The following CHST11 variants were observed in gnomAD, a reference collection of about 807,000 sequenced individuals.
CHST11 encodes the protein carbohydrate sulfotransferase 11.
CHST11 carries 9 observed loss-of-function variants against 30.4 expected under a neutral mutation model. The ratio of observed to expected loss-of-function variants is 0.30; its 90% CI spans 0.18 to 0.52. The LOEUF (loss-of-function observed/expected upper bound fraction) is 0.52, where lower values mean the gene tolerates loss of function less well. CHST11 is among the 20% of genes least tolerant of loss of function. The probability of loss-of-function intolerance (pLI) is 0.97; values close to 1 mark genes in which losing one functional copy is unlikely to be tolerated. For synonymous variants in CHST11, 152 were observed against 187.8 expected (o/e 0.81, Z 1.56); for missense variants, 348 against 460.6 (o/e 0.76, Z 2.24).
chr12:104,457,810 TC>T (rs1422987369), intron 1 of CHST11, among the ~76,000 whole-genome samples: 13 of 149,250 alleles, frequency 8.7e-5, no homozygotes, highest in South Asian at 2.1e-4. Context: ...TTTTTCTTCT[TC>T]TTTTTTTCTT....
At chr12:104,652,891 G>A (rs775227865) in intron 2 of CHST11, among the ~76,000 whole-genome samples, 4 of 152,120 alleles carry the variant, frequency 2.6e-5, no homozygotes, top group African/African-American at 9.7e-5. Flanking sequence ...CTCCCTACAC[G>A]CTCCCTACAC....
chr12:104,682,217 G>A (rs1246103607), intron 2 of CHST11, among the ~76,000 whole-genome samples: 1 of 152,196 alleles, frequency 6.6e-6, no homozygotes, highest in African/African-American at 2.4e-5. Flanking sequence ...TCTACTGGAA[G>A]TATATATGTT....
chr12:104,505,107 A>G (rs2037891918), intron 1 of CHST11, among the ~76,000 whole-genome samples: 1 of 152,078 alleles, frequency 6.6e-6, no homozygotes, highest in South Asian at 2.1e-4. Context: ...GGCTTCTGTA[A>G]TTTTTGCCCA....
chr12:104,601,914 A>G lies in CHST11; in HGVS notation c.127A>G (p.Arg43Gly). 6.2e-7 allele frequency: 1 copy of G among 1,613,632 alleles called. No homozygotes were observed. Reference sequence around the variant, plus strand: ...TCACTTTCTTTCCTCAGTCATGCGGAGGAATCCCTTTGGTGTGGACATCTG... The same window carrying G: ...TCACTTTCTTTCCTCAGTCATGCGGGGGAATCCCTTTGGTGTGGACATCTG... ...FQSMLHPVMR[R>G]NPFGVDICCR... The change falls in exon 2 of 3, where the codon AGG becomes GGG. Residue 43 changes from arginine (R) to glycine (G), a missense_variant. Around this residue, in one of 3 missense-constraint regions of CHST11, gnomAD observed 135 missense variants for 155.8 expected, o/e 0.87. Coordinates refer to ENST00000303694, the MANE Select transcript of CHST11 (RefSeq NM_018413.6).
chr12:104,499,096 A>G (rs867406083), intron 1 of CHST11, among the ~76,000 whole-genome samples: 3 of 152,218 alleles, frequency 2.0e-5, no homozygotes, highest in South Asian at 2.1e-4. Flanking sequence ...TCTTTGCAGC[A>G]GGGACCATGA....
At chr12:104,575,248 C>T (rs2038672800) in intron 1 of CHST11, among the ~76,000 whole-genome samples, 1 of 151,824 alleles carries the variant, frequency 6.6e-6, no homozygotes, top group African/African-American at 2.4e-5. Context: ...TGGGATGATC[C>T]CAGGGTGACG....
chr12:104,545,336 C>T (rs1704917), intron 1 of CHST11, among the ~76,000 whole-genome samples: 83,752 of 152,080 alleles, frequency 0.55, 24,216 homozygotes, highest in East Asian at 0.98. Flanking sequence ...GCTTTATTGA[C>T]ATCAGGTGTT....
intron 2 of CHST11, among the ~76,000 whole-genome samples, chr12:104,747,526 A>G (rs78327422): frequency 0.011 from 1,716 of 152,124 alleles, 28 homozygotes; most frequent in African/African-American, 0.04. Flanking sequence ...CCTTTTCATG[A>G]GAGTTTAGTA....
intron 1 of CHST11, among the ~76,000 whole-genome samples, chr12:104,506,264 G>A (rs1186945646): frequency 6.6e-6 from 1 of 152,210 alleles, no homozygotes; most frequent in East Asian, 1.9e-4. Context: ...TTCAGAGTGA[G>A]TTTTGAGTAT....
chr12:104,691,291 C>T (rs2136107605), intron 2 of CHST11, among the ~76,000 whole-genome samples: 1 of 152,154 alleles, frequency 6.6e-6, no homozygotes, highest in East Asian at 1.9e-4. Flanking sequence ...TGTCTTTCAC[C>T]AGGGAAGGGT....
chr12:104,721,742 G>A (rs968599990), intron 2 of CHST11, among the ~76,000 whole-genome samples: 7 of 152,128 alleles, frequency 4.6e-5, no homozygotes, highest in Non-Finnish European at 1.0e-4. Context: ...TTCACTGAAA[G>A]AACCACTATA....
chr12:104,488,738 C>CGTGT (rs1491545682), intron 1 of CHST11, among the ~76,000 whole-genome samples: 11 of 68,014 alleles, frequency 1.6e-4, no homozygotes, highest in African/African-American at 7.3e-4. Flanking sequence ...TGTATGTGTA[C>CGTGT]GCGTGTGTGT....
intron 1 of CHST11, among the ~76,000 whole-genome samples, chr12:104,483,083 A>G (rs2037642769): frequency 6.6e-6 from 1 of 152,152 alleles, no homozygotes; most frequent in South Asian, 2.1e-4. Context: ...CTCCTGGTGC[A>G]ATATCTCCAA....
rs1400516320 is a variant in CHST11, at chr12:104,714,561, TG to T, written c.205-42387del. ...GCTTTTGTGGAGGTGGTGATGATGATGATGATGATGATGATGGTGACGGTGA... is the reference window on the plus strand; with the variant it reads ...GCTTTTGTGGAGGTGGTGATGATGATATGATGATGATGATGGTGACGGTGA... On this transcript the variant is annotated intron_variant, in intron 2 of 2. Transcript: ENST00000303694. 1.6e-4 allele frequency among the ~76,000 whole-genome samples: 12 copies of T among 72,812 alleles called. No individual in the cohort carries two copies. In the South Asian group the frequency reaches 1.9e-3, roughly 12 times the overall value. 47.8% of individuals were successfully genotyped at this position (72,812 alleles called of 152,430 possible). A position where few individuals can be genotyped will look rare whatever the true frequency, so the allele number is the denominator to read the frequency against.
intron 2 of CHST11, among the ~76,000 whole-genome samples, chr12:104,713,016 C>T (rs1442464959): frequency 2.6e-5 from 4 of 152,034 alleles, no homozygotes; most frequent in Non-Finnish European, 4.4e-5. Flanking sequence ...AAAATGCACT[C>T]ATTAAACAAG....
chr12:104,571,533 A>G (rs1056978707), intron 1 of CHST11, among the ~76,000 whole-genome samples: 7 of 152,218 alleles, frequency 4.6e-5, no homozygotes, highest in African/African-American at 9.6e-5. Flanking sequence ...TTGTAGACAC[A>G]GGCTTTCAGT....
chr12:104,605,385 C>G (rs2038994962), intron 2 of CHST11, among the ~76,000 whole-genome samples: 1 of 152,128 alleles, frequency 6.6e-6, no homozygotes, highest in Admixed American at 6.5e-5. Context: ...CGAGACCATC[C>G]TGGCTAACAC....
chr12:104,591,539 T>C (rs1301322286), intron 1 of CHST11: 2 of 152,920 alleles, frequency 1.3e-5, no homozygotes, highest in African/African-American at 4.8e-5. Flanking sequence ...ATGGTGAACA[T>C]TGTGGGAGGG....
intron 1 of CHST11, among the ~76,000 whole-genome samples, chr12:104,590,729 C>G (rs1399600960): frequency 6.6e-6 from 1 of 151,976 alleles, no homozygotes; most frequent in East Asian, 1.9e-4. Flanking sequence ...CAAGACCAGC[C>G]TGGCCAACAT....
Sources: allele counts gnomAD v4.1 joint callset (sites outside exome capture counted in the v4.1 genomes callset), GRCh38; gene constraint gnomAD v4.1.1; regional missense constraint gnomAD v4.1.1; transcripts MANE v1.5; gene names NCBI Gene and HGNC (gene_info 2026-07-23, HGNC 2026-07-21).